ZHX3: variants seen among roughly 807,000 people sequenced by gnomAD.
ZHX3 encodes zinc fingers and homeoboxes 3.
In ZHX3, 20 loss-of-function variants were observed where a neutral mutation model predicts 64.5. The ratio of observed to expected loss-of-function variants is 0.31; its 90% CI spans 0.22 to 0.45. ZHX3 has a LOEUF of 0.45. ZHX3 is among the 20% of genes least tolerant of loss of function. The pLI is 1.00. For synonymous variants in ZHX3, 423 were observed against 461.6 expected, an observed-to-expected ratio of 0.92 and a Z score of 1.07; for missense variants, 1,041 against 1,195.8, an observed-to-expected ratio of 0.87 and a Z score of 1.91.
At chr20:41,235,098 A>G (rs1031271591) in intron 2 of ZHX3, among the ~76,000 whole-genome samples, 1 of 152,130 alleles carries the variant, frequency 6.6e-6, no homozygotes, top group Non-Finnish European at 1.5e-5. Flanking sequence ...AATTATTGTA[A>G]TGCTGTACTT....
chr20:41,276,402 G>A (rs988474338), intron 1 of ZHX3, among the ~76,000 whole-genome samples: 33 of 152,136 alleles, frequency 2.2e-4, no homozygotes, highest in African/African-American at 8.0e-4. Context: ...GGCTGCTGGG[G>A]AGAGGAAGCG....
chr20:41,192,424 G>A (rs542473000), intron 3 of ZHX3, among the ~76,000 whole-genome samples: 1 of 152,330 alleles, frequency 6.6e-6, no homozygotes, highest in South Asian at 2.1e-4. Context: ...CAGAATGCTT[G>A]GATAGGGAGT....
intron 2 of ZHX3, among the ~76,000 whole-genome samples, chr20:41,236,067 A>G (rs2040962333): frequency 6.6e-6 from 1 of 152,216 alleles, no homozygotes; most frequent in Admixed American, 6.5e-5. Flanking sequence ...CTAACAAGGG[A>G]TGTGAAGGAC....
chr20:41,229,583 T>C (rs1433961449), intron 2 of ZHX3, among the ~76,000 whole-genome samples: 2 of 152,230 alleles, frequency 1.3e-5, no homozygotes, highest in Non-Finnish European at 2.9e-5. Context: ...TCTTTTTTTT[T>C]CTTCAGAGTT....
At position 41,182,872 on chromosome 20, in the gene ZHX3, T is replaced by C. The variant is rs1030986497; in HGVS notation, c.*2319A>G. ...ATGAACTTGTCCACCAACTGTGTTT[T>C]GCTGTTTGGGTTGTAAATTAACCGT... On this transcript the variant is annotated 3_prime_UTR_variant, in exon 4 of 4. Coordinates refer to ENST00000683867, the MANE Select transcript of ZHX3 (RefSeq NM_001384317.1). The surrounding 1 kb of genome is among the most constrained non-coding windows in gnomAD (Gnocchi z 6.1). The C allele has an allele frequency of 1.3e-5, 2 of 152,284 alleles. No homozygotes were observed. Among genetic ancestry groups the C allele is most frequent in the African/African-American group, 4.8e-5 (2 of 41,452 alleles). 9.4% of individuals were successfully genotyped at this position (152,284 alleles called of 1,614,324 possible).
intron 1 of ZHX3, among the ~76,000 whole-genome samples, chr20:41,296,791 G>C (rs2044552578): frequency 6.6e-6 from 1 of 152,180 alleles, no homozygotes; most frequent in Non-Finnish European, 1.5e-5. Context: ...GCGAGGGAGG[G>C]AATAAAGTTG....
chr20:41,290,045 T>C (rs1424578518), intron 1 of ZHX3, among the ~76,000 whole-genome samples: 2 of 152,240 alleles, frequency 1.3e-5, no homozygotes, highest in Admixed American at 6.5e-5. Flanking sequence ...AGTTCCATTA[T>C]GGTTGTTAGA....
rs933006426 is a variant in ZHX3 at position 41,195,803 on chromosome 20, T to G, written c.2860+6254A>C. On this transcript the variant is annotated intron_variant, in intron 3 of 3. Transcript: ENST00000683867. This position sits in a 1 kb window ranked among gnomAD's most constrained non-coding sequence, Gnocchi z 4.2. ...ATGTGTCATAAGTTCTGGTATGCTGTGTTTTCATTTGTCTCAAGGTATTTT... is the reference window on the plus strand; with the variant it reads ...ATGTGTCATAAGTTCTGGTATGCTGGGTTTTCATTTGTCTCAAGGTATTTT... Among the ~76,000 whole-genome samples, 3 of 152,228 alleles carry G rather than the reference T, an allele frequency of 2.0e-5. No homozygotes were observed. Among genetic ancestry groups the G allele is most frequent in the Non-Finnish European group, 2.9e-5 (2 of 68,042 alleles).
At chr20:41,274,983 C>T (rs1204048478) in intron 1 of ZHX3, among the ~76,000 whole-genome samples, 1 of 152,094 alleles carries the variant, frequency 6.6e-6, no homozygotes, top group Non-Finnish European at 1.5e-5. Context: ...ATGGTGAAAC[C>T]CTGTCTCTAC....
intron 2 of ZHX3, among the ~76,000 whole-genome samples, chr20:41,207,706 G>T (rs1361600830): frequency 6.6e-6 from 1 of 152,210 alleles, no homozygotes; most frequent in Non-Finnish European, 1.5e-5. Context: ...TGTGTAGAGG[G>T]AAATTTATAG....
In ZHX3 at chr20:41,180,107, TCAGGCTCCTCTCAG is replaced by T. The variant is rs2036193477; in HGVS notation, c.*5070_*5083del. 1.3e-5 allele frequency: 2 copies of T among 152,716 alleles called. No individual in the cohort carries two copies. Among genetic ancestry groups the T allele is most frequent in the African/African-American group, 4.8e-5 (2 of 41,460 alleles). 9.5% of individuals were successfully genotyped at this position (152,716 alleles called of 1,614,324 possible). Reference sequence around the variant, plus strand: ...AGAGGCACTAATGGCAGGTAAATGCTCAGGCTCCTCTCAGTACCCTGGGGCTCACCGCCTATCCA... The same window carrying T: ...AGAGGCACTAATGGCAGGTAAATGCTTACCCTGGGGCTCACCGCCTATCCA... On this transcript the variant is annotated 3_prime_UTR_variant, in exon 4 of 4. Transcript: ENST00000683867.
intron 2 of ZHX3, among the ~76,000 whole-genome samples, chr20:41,215,628 G>A (rs936992098): frequency 1.3e-5 from 2 of 152,086 alleles, no homozygotes; most frequent in Non-Finnish European, 2.9e-5. Context: ...ATATCACCCA[G>A]TATTTATCAT....
intron 3 of ZHX3, among the ~76,000 whole-genome samples, chr20:41,193,072 T>C (rs991661127): frequency 6.6e-6 from 1 of 152,258 alleles, no homozygotes; most frequent in Admixed American, 6.5e-5. Context: ...TCCAGTGTTC[T>C]GTCTTGGATA....
chr20:41,207,183 C>T (rs1168227779), intron 2 of ZHX3, among the ~76,000 whole-genome samples: 2 of 152,166 alleles, frequency 1.3e-5, no homozygotes, highest in African/African-American at 4.8e-5. Flanking sequence ...CTGGTACCAG[C>T]CACTGCAAAA....
chr20:41,286,613 A>G (rs2043948245), intron 1 of ZHX3, among the ~76,000 whole-genome samples: 1 of 152,204 alleles, frequency 6.6e-6, no homozygotes, highest in African/African-American at 2.4e-5. Flanking sequence ...ATTTCAGAGT[A>G]CAAACAAAAA....
intron 1 of ZHX3, among the ~76,000 whole-genome samples, chr20:41,313,569 A>T (rs2146847266): frequency 1.3e-5 from 2 of 151,982 alleles, no homozygotes; most frequent in Middle Eastern, 6.9e-3. Context: ...AGTAAAAATA[A>T]ATTCTTAACA....
At chr20:41,193,964 T>C (rs1043499411) in intron 3 of ZHX3, among the ~76,000 whole-genome samples, 1 of 152,198 alleles carries the variant, frequency 6.6e-6, no homozygotes, top group African/African-American at 2.4e-5. Context: ...CCTCTCAAAG[T>C]GCTGGGATTA....
At chr20:41,306,915 T>C (rs1014685223) in intron 1 of ZHX3, among the ~76,000 whole-genome samples, 8 of 152,042 alleles carry the variant, frequency 5.3e-5, no homozygotes, top group African/African-American at 1.9e-4. Flanking sequence ...AAAGGAAAAA[T>C]TGAATGCAAG....
chr20:41,259,007 ACC>A (rs954624974), intron 2 of ZHX3, among the ~76,000 whole-genome samples: 9 of 152,138 alleles, frequency 5.9e-5, no homozygotes, highest in African/African-American at 2.2e-4. Context: ...TTAAAAAAAA[ACC>A]ACATTTTCAT....
Sources: allele counts gnomAD v4.1 joint callset (sites outside exome capture counted in the v4.1 genomes callset), GRCh38; gene constraint gnomAD v4.1.1; non-coding constraint Gnocchi (gnomAD v3.1); transcripts MANE v1.5; gene names NCBI Gene and HGNC (gene_info 2026-07-23, HGNC 2026-07-21).